The following TEX11 variants were observed in gnomAD, a reference collection of about 807,000 sequenced individuals.
TEX11 encodes the protein testis expressed 11.
Under a neutral mutation model 84.4 loss-of-function variants are expected in TEX11, and 7 were observed. That is an observed-to-expected ratio of 0.08 (90% CI 0.05 to 0.16). TEX11 has a LOEUF of 0.16. Among genes scored for constraint, TEX11 ranks in the 10% least tolerant of loss-of-function variants. TEX11 has a pLI of 1.00. For synonymous variants in TEX11, 264 were observed against 222.8 expected (o/e 1.18, Z -1.64); for missense variants, 551 against 660.5 (o/e 0.83, Z 1.82).
At chrX:70,560,637 C>A (rs1169726034) in intron 25 of TEX11, among the ~76,000 whole-genome samples, 3 of 111,160 alleles carry the variant, frequency 2.7e-5, no homozygotes, top group Non-Finnish European at 5.7e-5. Flanking sequence ...GTAATGAAGT[C>A]CACTTTATCA....
Position 70,821,185 on chromosome X carries a change from A to G in TEX11, c.606+12328T>C, listed in dbSNP as rs765281366. On this transcript the variant is annotated intron_variant, in intron 8 of 29. Coordinates refer to ENST00000374333, the MANE Select transcript of TEX11 (RefSeq NM_031276.3). ...AACAAAAAACAAAACAAAACAAAAC[A>G]AAAACCAGATAGCTCAATTTAAAAA... Among the ~76,000 whole-genome samples, 11 of 112,445 alleles carry G rather than the reference A, an allele frequency of 9.8e-5. No homozygotes were observed. In the South Asian group the frequency reaches 4.1e-3, roughly 41 times the overall value.
rs1414086163 is a variant in TEX11, at chrX:70,853,411, A to G, written c.325-83T>C. ...GGGGGAATATTGGAGAAAATATTGA[A>G]TCCTCTGTCCATATTCAGTCTTATA... is the stretch of plus-strand genomic sequence containing the variant. On this transcript the variant is annotated intron_variant, in intron 5 of 29. Coordinates refer to ENST00000374333, the MANE Select transcript of TEX11 (RefSeq NM_031276.3). The G allele has an allele frequency of 4.6e-6, 3 of 646,604 alleles. No homozygotes were observed. The Admixed American group carries it at 8.7e-5, about 19-fold the overall frequency. The allele number at this position is 646,604 out of a possible 1,213,427, so 53.3% of individuals were successfully genotyped here. A position where few individuals can be genotyped will look rare whatever the true frequency, so the allele number is the denominator to read the frequency against.
chrX:70,599,169 A>C (rs2089053118), intron 24 of TEX11, among the ~76,000 whole-genome samples: 1 of 111,773 alleles, frequency 8.9e-6, no homozygotes, highest in African/African-American at 3.3e-5. Context: ...AAATAAAAGA[A>C]AAGAAATAAA....
intron 21 of TEX11, 78 bp downstream of exon 21, chrX:70,610,425 T>A (rs750577992): frequency 1.3e-4 from 115 of 906,663 alleles, no homozygotes; most frequent in Middle Eastern, 2.8e-4. Flanking sequence ...TTAAAGTTGC[T>A]GTGCTTAGTG....
chrX:70,522,041 G>T, the TEX11 span, among the ~76,000 whole-genome samples: 2 of 111,163 alleles, frequency 1.8e-5, no homozygotes, highest in Non-Finnish European at 3.8e-5. Context: ...GTATTTTGTT[G>T]TAGAGACTGG....
At chrX:70,740,249 C>A (rs978666271) in intron 11 of TEX11, among the ~76,000 whole-genome samples, 7 of 111,544 alleles carry the variant, frequency 6.3e-5, no homozygotes, top group Non-Finnish European at 1.1e-4. Flanking sequence ...AGGCTGGGAA[C>A]TCCAACATCA....
intron 3 of TEX11, 137 bp from the exon 4 acceptor site, chrX:70,873,444 C>G (rs2091639690): frequency 2.2e-6 from 1 of 449,010 alleles, no homozygotes; most frequent in East Asian, 3.8e-5. Flanking sequence ...CGCATTCTAC[C>G]TCTCCCCGCA....
intron 4 of TEX11, among the ~76,000 whole-genome samples, chrX:70,863,249 G>A (rs1013681545): frequency 8.9e-6 from 1 of 111,934 alleles, no homozygotes; most frequent in Non-Finnish European, 1.9e-5. Flanking sequence ...CTCCTCAAGT[G>A]GGTCCCTGAC....
intron 13 of TEX11, among the ~76,000 whole-genome samples, chrX:70,698,623 T>C (rs1412044874): frequency 9.1e-6 from 1 of 110,220 alleles, no homozygotes; most frequent in African/African-American, 3.3e-5. Context: ...CTGCAGAAAC[T>C]ATTCCAATTC....
chrX:70,907,803 G>A lies in TEX11; in HGVS notation c.-14C>T, dbSNP rs1232780731. On this transcript the variant is annotated 5_prime_UTR_variant, in exon 2 of 30. Transcript: ENST00000374333. ...ATCATTGTCCATTTTTAAATCTCTGGCTCAAGCCTGTGAAATAATAACATA... is the reference window on the plus strand; with the variant it reads ...ATCATTGTCCATTTTTAAATCTCTGACTCAAGCCTGTGAAATAATAACATA... 8.7e-6 allele frequency: 10 copies of A among 1,148,426 alleles called. No homozygotes were observed. The highest frequency in any genetic ancestry group is 2.2e-5 in the Admixed American group (1 of 45,466). 94.6% of individuals were successfully genotyped at this position (1,148,426 alleles called of 1,213,427 possible).
Position 70,833,508 on chromosome X carries a change from C to T in TEX11, c.606+5G>A, listed in dbSNP as rs753286063. On this transcript the variant is annotated splice_donor_5th_base_variant and intron_variant, in intron 8 of 29. Transcript: ENST00000374333. ...AAACTCTTGGAGAATGCAGACTTCA[C>T]TCACCATCTGGGGGAGCCTCATCAA... The T allele has an allele frequency of 2.5e-6, 3 of 1,197,836 alleles. No individual in the cohort carries two copies. The highest frequency in any genetic ancestry group is 3.4e-6 in the Non-Finnish European group (3 of 885,300).
chrX:70,774,668 C>T (rs1329563101), intron 9 of TEX11, among the ~76,000 whole-genome samples: 1 of 110,992 alleles, frequency 9.0e-6, no homozygotes, highest in African/African-American at 3.3e-5. Flanking sequence ...TGAAAGTTCT[C>T]TACAAGTAGA....
rs868499493 is a variant in TEX11 at position 70,539,043 on chromosome X, T to A, written c.2521-9044A>T. ...AAATATATATATATATATATATTTT[T>A]TTTTTTTTTAAGATGGAGTCTCACT... On this transcript the variant is annotated intron_variant, in intron 28 of 29. Transcript: ENST00000374333. Among the ~76,000 whole-genome samples, 173 of 89,189 alleles carry A rather than the reference T, an allele frequency of 1.9e-3. 2 individuals carry two copies. The highest frequency in any genetic ancestry group is 5.6e-3 in the Middle Eastern group (1 of 179). The allele number at this position is 89,189 out of a possible 115,157, so 77.4% of individuals were successfully genotyped here.
intron 15 of TEX11, chrX:70,673,081 G>A: frequency 8.7e-6 from 1 of 115,587 alleles, no homozygotes; most frequent in East Asian, 2.4e-4. Flanking sequence ...CTTCAGCTAT[G>A]TCCCTGATAG....
intron 28 of TEX11, among the ~76,000 whole-genome samples, chrX:70,546,869 A>T (rs1012092269): frequency 1.8e-5 from 2 of 110,040 alleles, no homozygotes; most frequent in African/African-American, 3.3e-5. Flanking sequence ...GTATATATTC[A>T]AGAGAATTAA....
At position 70,750,934 on chromosome X, in the gene TEX11, ATATAT is replaced by A. The variant is rs1457033547; in HGVS notation, c.693-6720_693-6716del. 9.3e-3 allele frequency among the ~76,000 whole-genome samples: 193 copies of A among 20,771 alleles called. 3 individuals are homozygous for A. Among genetic ancestry groups the A allele is most frequent in the African/African-American group, 0.028 (178 of 6,422 alleles). The allele number at this position is 20,771 out of a possible 115,157, so 18.0% of individuals were successfully genotyped here. On this transcript the variant is annotated intron_variant, in intron 9 of 29. Transcript: ENST00000374333. ...CTTAAAGTATAATAAAAAAAAAAAA[ATATAT>A]ATATATATATATATATATATATATA...
chrX:70,550,627 C>T (rs900921716), intron 28 of TEX11, among the ~76,000 whole-genome samples: 9 of 111,634 alleles, frequency 8.1e-5, no homozygotes, highest in African/African-American at 2.9e-4. Flanking sequence ...AAACAAATGG[C>T]AAACAGGCAT....
At chrX:70,522,842 C>A in the TEX11 span, among the ~76,000 whole-genome samples, 1 of 110,196 alleles carries the variant, frequency 9.1e-6, no homozygotes, top group Non-Finnish European at 1.9e-5. Flanking sequence ...CGCGCCTGGC[C>A]GACAGAGGGT....
intron 17 of TEX11, among the ~76,000 whole-genome samples, chrX:70,633,058 C>T (rs750787509): frequency 2.7e-5 from 3 of 111,820 alleles, no homozygotes; most frequent in African/African-American, 3.2e-5. Flanking sequence ...ATATACTTCC[C>T]AATTCACCCT....
Sources: gnomAD v4.1 joint callset for allele counts (sites outside exome capture counted in the v4.1 genomes callset) on GRCh38, gnomAD v4.1.1 for gene constraint, MANE v1.5 for transcripts, NCBI Gene and HGNC (gene_info 2026-07-23, HGNC 2026-07-21) for gene names.